The following SEMA3A variants were observed in gnomAD, a reference collection of about 807,000 sequenced individuals.
SEMA3A encodes semaphorin 3A, also known as semaphorin-3A.
Under a neutral mutation model 97.9 loss-of-function variants are expected in SEMA3A, and 29 were observed. The ratio of observed to expected loss-of-function variants is 0.30; its 90% confidence interval spans 0.22 to 0.40. The LOEUF (loss-of-function observed/expected upper bound fraction) is 0.40, where lower values mean the gene tolerates loss of function less well. Among genes scored for constraint, SEMA3A ranks in the 10% least tolerant of loss-of-function variants. The probability of loss-of-function intolerance (pLI) is 1.00; values close to 1 mark genes in which losing one functional copy is unlikely to be tolerated. For synonymous variants in SEMA3A, 321 were observed against 323.7 expected (o/e 0.99, Z 0.09); for missense variants, 763 against 951.3 (o/e 0.80, Z 2.60).
At chr7:84,151,988 T>C (rs1411448858) in intron 1 of SEMA3A, among the ~76,000 whole-genome samples, 2 of 149,950 alleles carry the variant, frequency 1.3e-5, no homozygotes, top group Non-Finnish European at 3.0e-5. Flanking sequence ...AAAACCACAA[T>C]GAGATACCAT....
intron 1 of SEMA3A, among the ~76,000 whole-genome samples, chr7:84,397,633 C>T (rs1338332439): frequency 1.3e-5 from 2 of 151,786 alleles, no homozygotes; most frequent in East Asian, 1.9e-4. Flanking sequence ...GGAGTTTTTA[C>T]AATTCCTAGC....
Position 84,007,507 on chromosome 7 carries a change from A to G in SEMA3A, c.996-10T>C, listed in dbSNP as rs566127578. The G allele has an allele frequency of 1.3e-6, 2 of 1,519,898 alleles. No individual in the cohort carries two copies. The highest frequency in any genetic ancestry group is 2.6e-5 in the South Asian group (2 of 75,536). The allele number at this position is 1,519,898 out of a possible 1,614,324, so 94.2% of individuals were successfully genotyped here. On this transcript the variant is annotated splice_polypyrimidine_tract_variant and intron_variant, in intron 9 of 16. Coordinates refer to ENST00000265362, the MANE Select transcript of SEMA3A (RefSeq NM_006080.3). ...TCCCTTGAAAATGTTACTGAACAAG[A>G]CAGCAAGAATAAAAACAGAAGTTCA... is the stretch of plus-strand genomic sequence containing the variant.
chr7:84,420,243 A>C (rs1400703225), intron 1 of SEMA3A, among the ~76,000 whole-genome samples: 1 of 151,996 alleles, frequency 6.6e-6, no homozygotes, highest in Non-Finnish European at 1.5e-5. Context: ...TTGTGTTTAT[A>C]ATATAAATAG....
intron 2 of SEMA3A, among the ~76,000 whole-genome samples, chr7:84,368,496 T>C (rs996892486): frequency 4.0e-4 from 60 of 151,152 alleles, no homozygotes; most frequent in African/African-American, 1.4e-3. Flanking sequence ...AGAATTTTGG[T>C]TTGGCTTTAT....
chr7:84,066,104 G>C (rs1294882736), intron 4 of SEMA3A, among the ~76,000 whole-genome samples: 2 of 151,470 alleles, frequency 1.3e-5, no homozygotes, highest in Non-Finnish European at 2.9e-5. Flanking sequence ...TGGGATGCAA[G>C]GCTGGTTTAA....
chr7:84,418,383 A>G, intron 1 of SEMA3A, among the ~76,000 whole-genome samples: 1 of 152,066 alleles, frequency 6.6e-6, no homozygotes, highest in Admixed American at 6.6e-5. Context: ...CACTACTATG[A>G]GAACAGAAAG....
chr7:84,394,984 T>A (rs605365), intron 1 of SEMA3A, among the ~76,000 whole-genome samples: 17,415 of 152,068 alleles, frequency 0.11, 1,878 homozygotes, highest in African/African-American at 0.27. Flanking sequence ...TCCATTGTGA[T>A]GGCTATTCGG....
At chr7:84,467,550 A>G (rs1453483655) in intron 1 of SEMA3A, among the ~76,000 whole-genome samples, 1 of 139,826 alleles carries the variant, frequency 7.2e-6, no homozygotes, top group Admixed American at 7.4e-5. Flanking sequence ...AAAAAAAAAA[A>G]ATTCAATTCC....
chr7:84,376,116 T>C (rs565381514), intron 1 of SEMA3A, among the ~76,000 whole-genome samples: 19 of 152,336 alleles, frequency 1.2e-4, no homozygotes, highest in African/African-American at 4.6e-4. Context: ...CTTGGGCTGA[T>C]TCCATATCTA....
At chr7:84,002,826 T>C (rs1022183808) in intron 11 of SEMA3A, among the ~76,000 whole-genome samples, 1 of 152,188 alleles carries the variant, frequency 6.6e-6, no homozygotes, top group Non-Finnish European at 1.5e-5. Flanking sequence ...CTTATTTGTT[T>C]TTCTAATTTG....
chr7:84,150,865 G>T (rs1796633058), intron 1 of SEMA3A, among the ~76,000 whole-genome samples: 1 of 151,522 alleles, frequency 6.6e-6, no homozygotes, highest in African/African-American at 2.4e-5. Flanking sequence ...AGAGAGCAGT[G>T]GTTCTCCCAG....
chr7:84,286,788 C>T (rs1186066989), intron 3 of SEMA3A, among the ~76,000 whole-genome samples: 1 of 151,956 alleles, frequency 6.6e-6, no homozygotes, highest in Non-Finnish European at 1.5e-5. Flanking sequence ...TGTTTTAGGA[C>T]CTTAGCGAGG....
chr7:83,973,019 A>T (rs1788979799), intron 15 of SEMA3A, among the ~76,000 whole-genome samples: 1 of 152,178 alleles, frequency 6.6e-6, no homozygotes, highest in Admixed American at 6.5e-5. Flanking sequence ...TGATATCAGA[A>T]TGTGTCTTAC....
chr7:84,245,530 TAG>T (rs1799457929), intron 3 of SEMA3A, among the ~76,000 whole-genome samples: 1 of 151,828 alleles, frequency 6.6e-6, no homozygotes, highest in Non-Finnish European at 1.5e-5. Flanking sequence ...TGCATTGGGT[TAG>T]AACATGCTTC....
chr7:84,101,821 A>T (rs1183029596), intron 4 of SEMA3A, among the ~76,000 whole-genome samples: 3 of 152,076 alleles, frequency 2.0e-5, no homozygotes, highest in Admixed American at 6.6e-5. Context: ...GAAACTATTG[A>T]ACATGTGAAA....
chr7:84,340,323 T>A (rs986932329), intron 2 of SEMA3A, among the ~76,000 whole-genome samples: 29 of 152,290 alleles, frequency 1.9e-4, no homozygotes, highest in African/African-American at 7.0e-4. Context: ...TTAAAAGATA[T>A]TTTTCAACTC....
rs79671322 is a variant in SEMA3A, at chr7:84,133,735, T to G, written c.270+1059A>C. ...CAATTTTCACTAATTTGTCAATCTATGTTTATATCTGTTAAACTGTATAGC... is the reference window on the plus strand; with the variant it reads ...CAATTTTCACTAATTTGTCAATCTAGGTTTATATCTGTTAAACTGTATAGC... On this transcript the variant is annotated intron_variant, in intron 2 of 16. Transcript: ENST00000265362. Among the ~76,000 whole-genome samples the G allele has an allele frequency of 1.3e-3, 203 of 152,028 alleles. 1 individual carries two copies. In the East Asian group the frequency reaches 0.017, roughly 12 times the overall value.
At chr7:84,156,560 G>A (rs542943180) in intron 1 of SEMA3A, among the ~76,000 whole-genome samples, 2 of 152,160 alleles carry the variant, frequency 1.3e-5, no homozygotes, top group South Asian at 2.1e-4. Context: ...ACTGGATTCT[G>A]TATGAAGAAA....
chr7:84,014,876 C>A (rs891213632), intron 6 of SEMA3A, among the ~76,000 whole-genome samples: 5 of 152,080 alleles, frequency 3.3e-5, no homozygotes, highest in Non-Finnish European at 7.4e-5. Flanking sequence ...CAGGAAAAAA[C>A]CCTGGCCACC....
Sources: gnomAD v4.1 joint callset for allele counts (sites outside exome capture counted in the v4.1 genomes callset) on GRCh38, gnomAD v4.1.1 for gene constraint, MANE v1.5 for transcripts, NCBI Gene and HGNC (gene_info 2026-07-23, HGNC 2026-07-21) for gene names.